COL4A1: variants seen among roughly 807,000 people sequenced by gnomAD.
The protein encoded by COL4A1 is collagen type IV alpha 1 chain, also known as collagen alpha-1(IV) chain.
In COL4A1, 40 loss-of-function variants were observed where a neutral mutation model predicts 216.6. The observed-to-expected ratio is 0.18, with a 90% CI of 0.14 to 0.24. The LOEUF is 0.24. Among genes scored for constraint, COL4A1 ranks in the 10% least tolerant of loss-of-function variants. The pLI, the probability that COL4A1 is intolerant of heterozygous loss-of-function variation, is 1.00. For missense variants in COL4A1, 1,628 were observed against 2,196.8 expected (o/e 0.74, Z 5.18); for synonymous variants, 839 against 810.7 (o/e 1.03, Z -0.59).
intron 1 of COL4A1, among the ~76,000 whole-genome samples, chr13:110,303,307 CA>C (rs1241913120): frequency 6.6e-6 from 1 of 152,056 alleles, no homozygotes; most frequent in African/African-American, 2.4e-5. Flanking sequence ...GCCTACCTGC[CA>C]CCTCCGAGAA....
chr13:110,244,737 G>A (rs1300111916), intron 1 of COL4A1, among the ~76,000 whole-genome samples: 1 of 152,120 alleles, frequency 6.6e-6, no homozygotes, highest in African/African-American at 2.4e-5. Flanking sequence ...CACCCTGAGT[G>A]CTTTGGAGGC....
intron 1 of COL4A1, among the ~76,000 whole-genome samples, chr13:110,247,790 CGTGTGTGTGTGTGTGTGTGT>C (rs56086913): frequency 6.9e-5 from 4 of 57,756 alleles, no homozygotes; most frequent in Admixed American, 2.4e-4. Flanking sequence ...CTATGCTACT[CGTGTGTGTGTGTGTGTGTGT>C]GTGTGTGTGT....
In COL4A1 at chr13:110,187,296, G is replaced by A. The variant is rs774676252; in HGVS notation, c.1570C>T (p.Pro524Ser). The change falls in exon 25 of 52, where the codon CCA becomes TCA. Residue 524 changes from proline to serine, a missense_variant. Pro to Ser is a moderately conservative substitution (Grantham distance 74). Coordinates refer to ENST00000375820, the MANE Select transcript of COL4A1 (RefSeq NM_001845.6). ...TCACCAGGCTCCCCCTTGGCTCCTG[G>A]CTGGCCTATCAGCCCTGGTGTACCT... ...PQGTPGLIGQ[P>S]GAKGEPGEFY... 1 of 1,612,896 alleles carries A rather than the reference G, an allele frequency of 6.2e-7. No individual in the cohort carries two copies. Among genetic ancestry groups the A allele is most frequent in the Non-Finnish European group, 8.5e-7 (1 of 1,179,872 alleles).
At chr13:110,183,465 G>A (rs886688097) in intron 26 of COL4A1, among the ~76,000 whole-genome samples, 189 bp from the exon 27 acceptor site, 21 of 152,138 alleles carry the variant, frequency 1.4e-4, no homozygotes, top group African/African-American at 3.6e-4. Context: ...AGAGAGCTAC[G>A]CTTCTCCCCA....
At chr13:110,255,331 A>G (rs1016454695) in intron 1 of COL4A1, among the ~76,000 whole-genome samples, 1 of 151,612 alleles carries the variant, frequency 6.6e-6, no homozygotes, top group African/African-American at 2.4e-5. Flanking sequence ...GTGTATTAGC[A>G]TGAGGAGGGA....
intron 2 of COL4A1, among the ~76,000 whole-genome samples, chr13:110,225,450 G>C (rs1880693795): frequency 6.6e-6 from 1 of 152,186 alleles, no homozygotes; most frequent in African/African-American, 2.4e-5. Flanking sequence ...CAGCGTGGTG[G>C]CACACGCCTG....
intron 2 of COL4A1, among the ~76,000 whole-genome samples, chr13:110,217,895 T>C (rs371894554): frequency 2.7e-4 from 41 of 152,244 alleles, no homozygotes; most frequent in African/African-American, 8.7e-4. Flanking sequence ...CTTAATGCAT[T>C]ATCTAAAGCA....
chr13:110,232,274 G>C (rs997544236), intron 2 of COL4A1, among the ~76,000 whole-genome samples: 2 of 152,238 alleles, frequency 1.3e-5, no homozygotes, highest in Non-Finnish European at 2.9e-5. Context: ...CGTCCCCAGA[G>C]CCATCTGGTT....
intron 44 of COL4A1, among the ~76,000 whole-genome samples, 177 bp from the exon 45 acceptor site, chr13:110,166,480 C>A (rs544129739): frequency 6.6e-6 from 1 of 152,300 alleles, no homozygotes; most frequent in East Asian, 1.9e-4. Context: ...CATACACCTG[C>A]TTATGCATGC....
intron 1 of COL4A1, among the ~76,000 whole-genome samples, chr13:110,248,348 C>A (rs1328654548): frequency 1.5e-5 from 2 of 137,606 alleles, no homozygotes; most frequent in African/African-American, 5.6e-5. Context: ...CTGGAAGGCG[C>A]TCAGCCGCCT....
intron 18 of COL4A1, 58 bp downstream of exon 18, chr13:110,203,508 G>A: frequency 2.5e-6 from 4 of 1,589,668 alleles, no homozygotes; most frequent in East Asian, 2.2e-5. Flanking sequence ...ACAGACCCAG[G>A]GTCCTCTCCT....
Position 110,161,184 on chromosome 13 carries a change from C to T in COL4A1, c.4640+8G>A, listed in dbSNP as rs117566874. ...TTTTGCATTTGTTCCTACAGATGCT[C>T]GACTCACCTACTAATAAATGGTCTT... On this transcript the variant is annotated splice_region_variant and intron_variant, in intron 49 of 51. Transcript: ENST00000375820. The T allele has an allele frequency of 7.3e-3, 11,800 of 1,613,940 alleles. 51 individuals are homozygous for T. The highest frequency in any genetic ancestry group is 0.015 in the Middle Eastern group (88 of 6,006).
At chr13:110,166,809 A>G (rs1176498970) in intron 44 of COL4A1, among the ~76,000 whole-genome samples, 2 of 152,220 alleles carry the variant, frequency 1.3e-5, no homozygotes, top group Non-Finnish European at 2.9e-5. Context: ...TTTCACGTGT[A>G]TCTGACTCAG....
intron 1 of COL4A1, among the ~76,000 whole-genome samples, chr13:110,246,775 G>A (rs150246892): frequency 1.3e-3 from 202 of 152,246 alleles, no homozygotes; most frequent in African/African-American, 4.4e-3. Flanking sequence ...CATTCTGTGC[G>A]GTACTCATCC....
chr13:110,202,842 G>GT (rs1418791914), intron 18 of COL4A1, among the ~76,000 whole-genome samples: 2 of 152,150 alleles, frequency 1.3e-5, no homozygotes, highest in Non-Finnish European at 1.5e-5. Context: ...AATAAAAATT[G>GT]TTTTACCAGG....
chr13:110,184,164 G>C (rs1335900057), intron 26 of COL4A1, among the ~76,000 whole-genome samples: 3 of 152,152 alleles, frequency 2.0e-5, no homozygotes, highest in Non-Finnish European at 2.9e-5. Context: ...AAGCTAATTG[G>C]CTCTGGATGG....
rs560849485 is a variant in COL4A1 at position 110,186,986 on chromosome 13, G to A, written c.1728+152C>T. The stretch of plus-strand genomic sequence containing the variant: ...GCAATGCCTAGGTTTATAGACTTAA[G>A]TTGTTCCATGAACCATGAATCATGA... On this transcript the variant is annotated intron_variant, in intron 25 of 51. Transcript: ENST00000375820. 1.1e-4 allele frequency: 115 copies of A among 1,040,576 alleles called. No individual in the cohort carries two copies. In the South Asian group the frequency reaches 1.5e-3, roughly 13 times the overall value. 64.5% of individuals were successfully genotyped at this position (1,040,576 alleles called of 1,614,324 possible).
At position 110,307,123 on chromosome 13, in the gene COL4A1, A is replaced by C. The variant is rs1884771277; in HGVS notation, c.-96T>G. On this transcript the variant is annotated 5_prime_UTR_variant, in exon 1 of 52. Coordinates refer to ENST00000375820, the MANE Select transcript of COL4A1 (RefSeq NM_001845.6). The surrounding 1 kb of genome is among the most constrained non-coding windows in gnomAD (Gnocchi z 5.0). ...GAAGGCCGGACTTCCAGCGCTACGC[A>C]CCGTCCCGGGTGCGGCGGCTCCAAG... is the stretch of plus-strand genomic sequence containing the variant. 3 of 1,017,582 alleles carry C rather than the reference A, an allele frequency of 2.9e-6. No individual in the cohort carries two copies. The highest frequency in any genetic ancestry group is 1.3e-6 in the Non-Finnish European group (1 of 753,982). The allele number at this position is 1,017,582 out of a possible 1,614,324, so 63.0% of individuals were successfully genotyped here. A position where few individuals can be genotyped will look rare whatever the true frequency, so the allele number is the denominator to read the frequency against.
At chr13:110,252,503 ATATG>A (rs1196588007) in intron 1 of COL4A1, among the ~76,000 whole-genome samples, 95 of 5,060 alleles carry the variant, frequency 0.019, 16 homozygotes, top group East Asian at 0.045. Context: ...TTATACGTAT[ATATG>A]TATTATATAT....
Sources: gnomAD v4.1 joint callset for allele counts (sites outside exome capture counted in the v4.1 genomes callset) on GRCh38, gnomAD v4.1.1 for gene constraint, Gnocchi (gnomAD v3.1) non-coding constraint, MANE v1.5 for transcripts, NCBI Gene and HGNC (gene_info 2026-07-23, HGNC 2026-07-21) for gene names.